C4orf51: variants seen among roughly 807,000 people sequenced by gnomAD.
C4orf51 encodes chromosome 4 open reading frame 51.
In C4orf51, 25 loss-of-function variants were observed where a neutral mutation model predicts 25.2. The observed-to-expected ratio is 0.99, with a 90% CI of 0.72 to 1.39. The LOEUF (loss-of-function observed/expected upper bound fraction) is 1.39, where lower values mean the gene tolerates loss of function less well. Ranked by LOEUF, C4orf51 falls within the 40% of genes most tolerant of loss-of-function variation. C4orf51 has a pLI of 0.00. For synonymous variants in C4orf51, 100 were observed against 84.5 expected, an observed-to-expected ratio of 1.18 and a Z score of -1.01; for missense variants, 252 against 239.6, an observed-to-expected ratio of 1.05 and a Z score of -0.34.
At chr4:145,771,044 C>T (rs1736205995), downstream of C4orf51, 1 of 152,192 alleles carries the variant, frequency 6.6e-6, no homozygotes, top group Non-Finnish European at 1.5e-5. Flanking sequence ...AAGTGGTTAG[C>T]TTTTATTTCC....
chr4:145,784,712 A>G, the C4orf51 span, among the ~76,000 whole-genome samples: 1 of 152,348 alleles, frequency 6.6e-6, no homozygotes, highest in Non-Finnish European at 1.5e-5. Context: ...AGCTTGGAAT[A>G]TGGGTACTGT....
intron 1 of C4orf51, among the ~76,000 whole-genome samples, chr4:145,770,299 AAAATAAATAAATAAAT>A (rs150231954): frequency 2.2e-3 from 190 of 87,264 alleles, no homozygotes; most frequent in Admixed American, 0.01. Flanking sequence ...ACCCTGTCTT[AAAATAAATAAATAAAT>A]AAATAAATAA....
At chr4:145,708,810 T>C (rs868031341) in intron 2 of C4orf51, among the ~76,000 whole-genome samples, 15 of 152,376 alleles carry the variant, frequency 9.8e-5, no homozygotes, top group Middle Eastern at 3.4e-3. Context: ...CTCCATGAAC[T>C]CATAGTGACT....
In C4orf51 at chr4:145,761,464, G is replaced by C. The variant is rs958451744; in HGVS notation, n.167-9524G>C. Reference sequence around the variant, plus strand: ...GTGGTTGCCCAGGCGGTGCTCCCGGGTGTGCGTCTCCAGCTCCAGCTGGTT... The same window carrying C: ...GTGGTTGCCCAGGCGGTGCTCCCGGCTGTGCGTCTCCAGCTCCAGCTGGTT... On this transcript the variant is annotated intron_variant and non_coding_transcript_variant, in intron 1 of 1. Coordinates refer to the C4orf51 transcript ENST00000510096. The surrounding 1 kb of genome is among the most constrained non-coding windows in gnomAD (Gnocchi z 6.8). 2 of 1,289,840 alleles carry C rather than the reference G, an allele frequency of 1.6e-6. No individual in the cohort carries two copies. The highest frequency in any genetic ancestry group is 2.3e-5 in the Admixed American group (1 of 43,570). 79.9% of individuals were successfully genotyped at this position (1,289,840 alleles called of 1,614,324 possible).
chr4:145,739,633 A>G (rs1732986798), intron 1 of C4orf51, among the ~76,000 whole-genome samples: 1 of 152,250 alleles, frequency 6.6e-6, no homozygotes, highest in Non-Finnish European at 1.5e-5. Flanking sequence ...TTAAACTTTT[A>G]AAAGTATAAG....
At chr4:145,764,854 CCTGA>C (rs759888837) in intron 1 of C4orf51, 2 of 1,211,802 alleles carry the variant, frequency 1.7e-6, no homozygotes, top group Non-Finnish European at 2.4e-6. Flanking sequence ...AGCAGGGGTT[CCTGA>C]CTAACTCCTC....
intron 2 of C4orf51, 57 bp from the exon 3 acceptor site, chr4:145,726,854 G>A: frequency 7.0e-7 from 1 of 1,429,226 alleles, no homozygotes; most frequent in Non-Finnish European, 9.9e-7. Flanking sequence ...GGAAGTGTAA[G>A]GAATTTTATT....
downstream of C4orf51, among the ~76,000 whole-genome samples, chr4:145,755,350 T>C (rs1379019759): frequency 6.6e-6 from 1 of 152,162 alleles, no homozygotes; most frequent in Non-Finnish European, 1.5e-5. Context: ...CTATAAAGAA[T>C]TGTGTAGGGG....
chr4:145,738,253 C>G (rs1389294571), intron 1 of C4orf51, among the ~76,000 whole-genome samples: 1 of 152,088 alleles, frequency 6.6e-6, no homozygotes, highest in Non-Finnish European at 1.5e-5. Context: ...AGTTCAAGAC[C>G]AGCCTGACCA....
chr4:145,777,075 C>T, the C4orf51 span, among the ~76,000 whole-genome samples: 1,731 of 152,254 alleles, frequency 0.011, 43 homozygotes, highest in African/African-American at 0.04. Flanking sequence ...AAATACCTGT[C>T]TTCTTTAGTT....
the C4orf51 span, among the ~76,000 whole-genome samples, chr4:145,781,942 T>C: frequency 6.6e-6 from 1 of 152,168 alleles, no homozygotes; most frequent in Non-Finnish European, 1.5e-5. Flanking sequence ...CAAGTATCAA[T>C]CATGTACTCG....
chr4:145,727,048 AAC>A, intron 3 of C4orf51, 79 bp downstream of exon 3: 2 of 1,148,292 alleles, frequency 1.7e-6, no homozygotes, highest in South Asian at 1.4e-5. Context: ...TCATTAAAAA[AAC>A]AAAAGGGGTT....
At chr4:145,769,597 T>C (rs888629189) in intron 1 of C4orf51, among the ~76,000 whole-genome samples, 3 of 152,202 alleles carry the variant, frequency 2.0e-5, no homozygotes, top group African/African-American at 7.2e-5. Flanking sequence ...GCTCAATGTG[T>C]AATCCCTAGT....
downstream of C4orf51, chr4:145,758,458 TC>T (rs1446581793): frequency 6.6e-6 from 1 of 152,236 alleles, no homozygotes; most frequent in African/African-American, 2.4e-5. Flanking sequence ...ATTCGCCTTT[TC>T]TACCAGCCTC....
downstream of C4orf51, among the ~76,000 whole-genome samples, chr4:145,735,903 CTCAT>C (rs1269039618): frequency 2.0e-5 from 3 of 152,094 alleles, no homozygotes; most frequent in African/African-American, 7.2e-5. Flanking sequence ...AGAGAATGGG[CTCAT>C]TCAATTTTAT....
intron 2 of C4orf51, among the ~76,000 whole-genome samples, chr4:145,711,788 G>A (rs112712389): frequency 0.011 from 1,692 of 152,064 alleles, 24 homozygotes; most frequent in African/African-American, 0.038. Context: ...CTTGCTTAAG[G>A]TACAGAAACA....
intron 2 of C4orf51, among the ~76,000 whole-genome samples, chr4:145,709,138 C>T (rs933415355): frequency 6.6e-6 from 1 of 152,158 alleles, no homozygotes; most frequent in Non-Finnish European, 1.5e-5. Flanking sequence ...AAGTAGTAAC[C>T]TCCAGAGAAC....
intron 1 of C4orf51, among the ~76,000 whole-genome samples, chr4:145,696,029 C>T (rs1021668062): frequency 6.6e-6 from 1 of 152,146 alleles, no homozygotes; most frequent in Non-Finnish European, 1.5e-5. Context: ...GTAATCCCAG[C>T]AAGGTGGGCA....
At chr4:145,692,358 C>T (rs1373838967) in intron 1 of C4orf51, among the ~76,000 whole-genome samples, 2 of 152,030 alleles carry the variant, frequency 1.3e-5, no homozygotes, top group Non-Finnish European at 2.9e-5. Context: ...AAAAACCAGC[C>T]CAAACCAAAC....
Sources: allele counts gnomAD v4.1 joint callset (sites outside exome capture counted in the v4.1 genomes callset), GRCh38; gene constraint gnomAD v4.1.1; non-coding constraint Gnocchi (gnomAD v3.1); transcripts MANE v1.5; gene names NCBI Gene and HGNC (gene_info 2026-07-23, HGNC 2026-07-21).